Variants in FBXO28 observed in about 807,000 individuals in gnomAD.
FBXO28 encodes F-box protein 28, also known as F-box only protein 28.
Under a neutral mutation model 38.1 loss-of-function variants are expected in FBXO28, and 8 were observed. That is an observed-to-expected ratio of 0.21 (90% CI 0.12 to 0.38). FBXO28 has a LOEUF of 0.38. Ranked by LOEUF, FBXO28 falls within the 10% of genes least tolerant of loss-of-function variation. The probability of loss-of-function intolerance (pLI) is 1.00; values close to 1 mark genes in which losing one functional copy is unlikely to be tolerated. For synonymous variants in FBXO28, 168 were observed against 173.8 expected (o/e 0.97, Z 0.26); for missense variants, 345 against 460.6 (o/e 0.75, Z 2.30).
chr1:224,157,782 G>T lies in FBXO28; in HGVS notation c.*36G>T. ...GGTTCTAGTTCCAGAGGAAGACACA[G>T]CTTAGTAGCTTAAGCAGTTATGCAT... On this transcript the variant is annotated 3_prime_UTR_variant, in exon 5 of 5. Transcript: ENST00000366862. The T allele has an allele frequency of 6.4e-7, 1 of 1,556,134 alleles. No homozygotes were observed.
intron 4 of FBXO28, 128 bp downstream of exon 4, chr1:224,153,465 A>G: frequency 1.6e-6 from 1 of 636,800 alleles, no homozygotes; most frequent in Non-Finnish European, 2.6e-6. Context: ...TTTTAATGAG[A>G]TTGGATTATC....
chr1:224,156,667 C>T (rs1221547471), intron 4 of FBXO28, among the ~76,000 whole-genome samples: 3 of 152,148 alleles, frequency 2.0e-5, no homozygotes, highest in African/African-American at 7.2e-5. Context: ...GTACTTCTAA[C>T]TTGAAAGTTT....
chr1:224,119,510 C>T (rs1656723900), intron 1 of FBXO28, among the ~76,000 whole-genome samples: 1 of 152,020 alleles, frequency 6.6e-6, no homozygotes, highest in Admixed American at 6.6e-5. Flanking sequence ...TGCATAAGTA[C>T]AGGTAAGAAA....
Position 224,152,887 on chromosome 1 carries a change from C to T in FBXO28, c.517-255C>T, listed in dbSNP as rs538110823. On this transcript the variant is annotated intron_variant, in intron 3 of 4. Transcript: ENST00000366862. The stretch of plus-strand genomic sequence containing the variant: ...AGGTTGCAATGAGCTGAGATCGCAC[C>T]ACTGCACCCAGCTTGGGCAACGAGT... 2.5e-3 allele frequency among the ~76,000 whole-genome samples: 350 copies of T among 142,078 alleles called. 1 individual carries two copies. Among genetic ancestry groups the T allele is most frequent in the African/African-American group, 8.5e-3 (319 of 37,464 alleles). The allele number at this position is 142,078 out of a possible 152,430, so 93.2% of individuals were successfully genotyped here. A position where few individuals can be genotyped will look rare whatever the true frequency, so the allele number is the denominator to read the frequency against.
chr1:224,126,870 A>G (rs1177032790), intron 1 of FBXO28, among the ~76,000 whole-genome samples: 1 of 152,202 alleles, frequency 6.6e-6, no homozygotes, highest in African/African-American at 2.4e-5. Flanking sequence ...CATAGTTTTT[A>G]TAGTCCCCAG....
rs1023471990 is a variant in FBXO28, at chr1:224,157,471, C to A, written c.832C>A (p.Leu278Ile). Residue 278 changes from leucine (L) to isoleucine (I), a missense_variant, in exon 5 of 5, where the codon CTC becomes ATC. Physicochemically the swap from Leu to Ile is conservative, Grantham distance 5. Coordinates refer to ENST00000366862, the MANE Select transcript of FBXO28 (RefSeq NM_015176.4). ...AACAAATGGTGCTGGCGTGACTGTT[C>A]TCAGGCGTGAAATTTCTGAGCTTCG... Reference protein sequence around the residue: ...VKTNGAGVTVLRREISELRTK... With the variant: ...VKTNGAGVTVIRREISELRTK... 9.3e-6 allele frequency: 15 copies of A among 1,614,154 alleles called. No individual in the cohort carries two copies. Among genetic ancestry groups the A allele is most frequent in the Non-Finnish European group, 2.5e-6 (3 of 1,180,068 alleles).
chr1:224,142,551 C>T (rs931113063), intron 3 of FBXO28, among the ~76,000 whole-genome samples: 6 of 152,032 alleles, frequency 3.9e-5, no homozygotes, highest in Non-Finnish European at 7.4e-5. Context: ...CTCAGTGGCT[C>T]ACGCCTGTGA....
At position 224,134,311 on chromosome 1, in the gene FBXO28, ACTT is replaced by A. The variant is rs1657125053; in HGVS notation, c.516+102_516+104del. On this transcript the variant is annotated intron_variant, in intron 3 of 4. Coordinates refer to ENST00000366862, the MANE Select transcript of FBXO28 (RefSeq NM_015176.4). ...TTTTAGAAATGTTAGAATTGTTTCT[ACTT>A]CTCTGAGTTTCTACTAATGAATTTG... is the stretch of plus-strand genomic sequence containing the variant. 3 of 1,198,942 alleles carry A rather than the reference ACTT, an allele frequency of 2.5e-6. No homozygotes were observed. The South Asian group carries it at 4.2e-5, about 17-fold the overall frequency. The allele number at this position is 1,198,942 out of a possible 1,614,324, so 74.3% of individuals were successfully genotyped here. A position where few individuals can be genotyped will look rare whatever the true frequency, so the allele number is the denominator to read the frequency against.
At chr1:224,121,372 GGTAT>G in intron 1 of FBXO28, among the ~76,000 whole-genome samples, 1 of 151,944 alleles carries the variant, frequency 6.6e-6, no homozygotes, top group Non-Finnish European at 1.5e-5. Context: ...GAATATCTAG[GGTAT>G]ATACGCAGAG....
At position 224,160,771 on chromosome 1, in the gene FBXO28, C is replaced by T. The variant is rs1657888254; in HGVS notation, c.*3025C>T. 1 of 152,166 alleles carries T rather than the reference C, an allele frequency of 6.6e-6. No homozygotes were observed. Among genetic ancestry groups the T allele is most frequent in the African/African-American group, 2.4e-5 (1 of 41,420 alleles). The allele number at this position is 152,166 out of a possible 1,614,324, so 9.4% of individuals were successfully genotyped here. A position where few individuals can be genotyped will look rare whatever the true frequency, so the allele number is the denominator to read the frequency against. ...TTTGGAGTACTGAACTTTACAGGGG[C>T]TTGCCTTAATCTCTATTTAGTAGTT... On this transcript the variant is annotated 3_prime_UTR_variant, in exon 5 of 5. Transcript: ENST00000366862.
chr1:224,132,524 G>A (rs12239040), intron 2 of FBXO28, among the ~76,000 whole-genome samples: 5,866 of 152,250 alleles, frequency 0.039, 339 homozygotes, highest in African/African-American at 0.13. Context: ...GCTGTTCTCA[G>A]GCCGGATGTG....
At chr1:224,134,028 T>C in intron 2 of FBXO28, 46 bp from the exon 3 acceptor site, 2 of 1,397,120 alleles carry the variant, frequency 1.4e-6, no homozygotes, top group Non-Finnish European at 1.9e-6. Flanking sequence ...TAGTCCACAA[T>C]ACTGCTTTAA....
intron 3 of FBXO28, among the ~76,000 whole-genome samples, chr1:224,138,414 G>A (rs993313128): frequency 2.6e-5 from 4 of 151,806 alleles, no homozygotes; most frequent in African/African-American, 4.9e-5. Context: ...TTGTGCCTGC[G>A]TTCCAGTAAA....
At chr1:224,141,682 G>T (rs1207797530) in intron 3 of FBXO28, among the ~76,000 whole-genome samples, 1 of 151,896 alleles carries the variant, frequency 6.6e-6, no homozygotes, top group Non-Finnish European at 1.5e-5. Context: ...GACTATTGTA[G>T]GTGATTATAA....
intron 3 of FBXO28, among the ~76,000 whole-genome samples, chr1:224,143,723 C>T (rs1324472016): frequency 6.6e-6 from 1 of 151,764 alleles, no homozygotes; most frequent in East Asian, 1.9e-4. Context: ...GTAGTCCCAG[C>T]TACTTGGGAG....
At chr1:224,157,171 CATTT>C (rs538183830) in intron 4 of FBXO28, among the ~76,000 whole-genome samples, 177 bp from the exon 5 acceptor site, 31 of 152,150 alleles carry the variant, frequency 2.0e-4, no homozygotes, top group Non-Finnish European at 4.3e-4. Context: ...AATTTAAACT[CATTT>C]ATAGTTAAAA....
At chr1:224,135,641 AG>A (rs1657163607) in intron 3 of FBXO28, among the ~76,000 whole-genome samples, 1 of 150,834 alleles carries the variant, frequency 6.6e-6, no homozygotes, top group Non-Finnish European at 1.5e-5. Flanking sequence ...AAAAAGAAAA[AG>A]AAAAAGAAAA....
intron 4 of FBXO28, 46 bp downstream of exon 4, chr1:224,153,383 C>A: frequency 6.9e-7 from 1 of 1,439,882 alleles, no homozygotes; most frequent in Non-Finnish European, 9.3e-7. Flanking sequence ...TTGTAACTTG[C>A]TTCCGGTTTT....
chr1:224,124,221 A>G (rs1199160100), intron 1 of FBXO28, among the ~76,000 whole-genome samples: 1 of 152,238 alleles, frequency 6.6e-6, no homozygotes, highest in Non-Finnish European at 1.5e-5. Context: ...CAACAAATCT[A>G]AAAACAAAGA....
Sources: gnomAD v4.1 joint callset for allele counts (sites outside exome capture counted in the v4.1 genomes callset) on GRCh38, gnomAD v4.1.1 for gene constraint, MANE v1.5 for transcripts, NCBI Gene and HGNC (gene_info 2026-07-23, HGNC 2026-07-21) for gene names.